The following SYS1 variants were observed in gnomAD, a reference collection of about 807,000 sequenced individuals.
SYS1 encodes SYS1 golgi trafficking protein, also known as protein SYS1 homolog.
SYS1 carries 8 observed loss-of-function variants against 17.8 expected under a neutral mutation model. The ratio of observed to expected loss-of-function variants is 0.45; its 90% CI spans 0.26 to 0.81. The LOEUF (loss-of-function observed/expected upper bound fraction) is 0.81. SYS1 is among the 40% of genes least tolerant of loss of function. SYS1 has a pLI of 0.16. For synonymous variants in SYS1, 95 were observed against 90.9 expected (o/e 1.05, Z -0.26); for missense variants, 161 against 203.9 (o/e 0.79, Z 1.28).
rs1404770342 is a variant in SYS1, at chr20:45,367,704, G to A, written c.*589G>A. 2.0e-5 allele frequency: 20 copies of A among 988,582 alleles called. No homozygotes were observed. Among genetic ancestry groups the A allele is most frequent in the Non-Finnish European group, 2.4e-5 (20 of 831,858 alleles). 61.2% of individuals were successfully genotyped at this position (988,582 alleles called of 1,614,324 possible). ...AAGGAAAATGCACAACCTGTGCCCTGTTATACACACGTTCATGTGCACCCA... is the reference window on the plus strand; with the variant it reads ...AAGGAAAATGCACAACCTGTGCCCTATTATACACACGTTCATGTGCACCCA... On this transcript the variant is annotated 3_prime_UTR_variant, in exon 4 of 4. Transcript: ENST00000243918.
chr20:45,363,944 T>G (rs1429831758), intron 2 of SYS1, among the ~76,000 whole-genome samples: 1 of 152,228 alleles, frequency 6.6e-6, no homozygotes, highest in Non-Finnish European at 1.5e-5. Context: ...CTCTGATACA[T>G]TTCCTTTCTG....
At chr20:45,374,981 T>C in exon 4 of SYS1, 1 of 1,566,540 alleles carries the variant, frequency 6.4e-7, no homozygotes, top group Non-Finnish European at 8.7e-7. Context: ...GGCCCAGCTC[T>C]GGGCCTGGCT....
chr20:45,363,576 C>T lies in SYS1; in HGVS notation c.45C>T (p.Ile15=), dbSNP rs1390622010. 6.3e-7 allele frequency: 1 copy of T among 1,598,220 alleles called. No homozygotes were observed. The highest frequency in any genetic ancestry group is 8.5e-7 in the Non-Finnish European group (1 of 1,173,006). Residue 15 remains isoleucine (I), a synonymous_variant, in exon 2 of 4, where the codon ATC becomes ATT. Coordinates refer to ENST00000243918, the MANE Select transcript of SYS1 (RefSeq NM_033542.4). ...FRSYVWDPLL[I]LSQIVLMQTV... ...GCTACGTGTGGGACCCGCTGCTGATCCTGTCGCAGATCGTCCTCATGCAGA... is the reference window on the plus strand; with the variant it reads ...GCTACGTGTGGGACCCGCTGCTGATTCTGTCGCAGATCGTCCTCATGCAGA...
chr20:45,364,415 A>T (rs921364308), intron 2 of SYS1, among the ~76,000 whole-genome samples: 1 of 151,150 alleles, frequency 6.6e-6, no homozygotes, highest in African/African-American at 2.4e-5. Flanking sequence ...AAGGAGGCCT[A>T]TAAGTTGTTA....
chr20:45,372,964 C>G (rs922520519), downstream of SYS1: 1 of 152,282 alleles, frequency 6.6e-6, no homozygotes, highest in Non-Finnish European at 1.5e-5. Context: ...AATCGTTCTC[C>G]CTCTGTCCCA....
rs1988450030 is a variant in SYS1, at chr20:45,367,340, T to A, written c.*225T>A. 7.2e-7 allele frequency: 1 copy of A among 1,383,458 alleles called. No homozygotes were observed. Among genetic ancestry groups the A allele is most frequent in the South Asian group, 1.6e-5 (1 of 62,026 alleles). The allele number at this position is 1,383,458 out of a possible 1,614,324, so 85.7% of individuals were successfully genotyped here. A position where few individuals can be genotyped will look rare whatever the true frequency, so the allele number is the denominator to read the frequency against. ...TGTTGAAGCCTTGGTATCTGAGAGG[T>A]CAGGAAGGGGACCTCTTTGAGGGTA... On this transcript the variant is annotated 3_prime_UTR_variant, in exon 4 of 4. Coordinates refer to ENST00000243918, the MANE Select transcript of SYS1 (RefSeq NM_033542.4).
chr20:45,371,876 CA>C (rs1237344506), downstream of SYS1, among the ~76,000 whole-genome samples: 2 of 152,182 alleles, frequency 1.3e-5, no homozygotes, highest in Non-Finnish European at 2.9e-5. Flanking sequence ...TTCAATGCCC[CA>C]CAAACTGGCT....
At chr20:45,374,446 A>T (rs758600162) in exon 4 of SYS1, 2 of 569,326 alleles carry the variant, frequency 3.5e-6, no homozygotes, top group East Asian at 2.9e-5. Flanking sequence ...TAATTTTTAA[A>T]TTTTTTGTAG....
exon 4 of SYS1, chr20:45,375,019 A>G (rs760559221): frequency 6.2e-7 from 1 of 1,603,400 alleles, no homozygotes; most frequent in Non-Finnish European, 8.5e-7. Context: ...CTAGCCTGGC[A>G]GTGTTGTTGT....
exon 4 of SYS1, chr20:45,376,697 T>C (rs1988744089): frequency 6.6e-6 from 1 of 152,138 alleles, no homozygotes; most frequent in Non-Finnish European, 1.5e-5. Context: ...CAATCAATGT[T>C]AGCTTTCTTA....
At position 45,363,323 on chromosome 20, in the gene SYS1, G is replaced by T; in HGVS notation, c.-4+8G>T. The stretch of plus-strand genomic sequence containing the variant: ...TCGTCGAGTCTGTCACTGGTGAGTA[G>T]ACCCCAGAGGAGCTCGTGTACGGGC... On this transcript the variant is annotated splice_region_variant and intron_variant, in intron 1 of 3. Transcript: ENST00000243918. 7.2e-7 allele frequency: 1 copy of T among 1,389,522 alleles called. No homozygotes were observed. The highest frequency in any genetic ancestry group is 2.7e-5 in the East Asian group (1 of 37,234). The allele number at this position is 1,389,522 out of a possible 1,614,324, so 86.1% of individuals were successfully genotyped here. A position where few individuals can be genotyped will look rare whatever the true frequency, so the allele number is the denominator to read the frequency against.
chr20:45,372,575 G>C (rs1988587711), downstream of SYS1: 1 of 152,300 alleles, frequency 6.6e-6, no homozygotes, highest in Non-Finnish European at 1.5e-5. Context: ...ATGGAAGAGT[G>C]AGTAGAGATT....
In SYS1 at chr20:45,374,810, C is replaced by T. The variant is rs542384397; in HGVS notation, c.*516C>T. 5.7e-5 allele frequency: 33 copies of T among 576,736 alleles called. No individual in the cohort carries two copies. In the Admixed American group the frequency reaches 7.5e-4, roughly 13 times the overall value. The allele number at this position is 576,736 out of a possible 1,614,324, so 35.7% of individuals were successfully genotyped here. ...TGGCTCACTTCAGTGCCCCTCCTTCCACACATCTCCTAGCTGTATCCTGAG... is the reference window on the plus strand; with the variant it reads ...TGGCTCACTTCAGTGCCCCTCCTTCTACACATCTCCTAGCTGTATCCTGAG... On this transcript the variant is annotated 3_prime_UTR_variant, in exon 4 of 4. Coordinates refer to the SYS1 transcript ENST00000426004.
chr20:45,374,177 C>T (rs1190426286), downstream of SYS1: 2 of 679,538 alleles, frequency 2.9e-6, no homozygotes, highest in East Asian at 2.7e-5. Context: ...GGGCACTCAC[C>T]CCCTTCCTTT....
chr20:45,363,755 T>TGG, intron 2 of SYS1, 62 bp downstream of exon 2: 1 of 1,509,786 alleles, frequency 6.6e-7, no homozygotes. Context: ...TTGTGGTCCA[T>TGG]CACTACTGTG....
At chr20:45,373,961 C>A, downstream of SYS1, 1 of 1,613,568 alleles carries the variant, frequency 6.2e-7, no homozygotes, top group Non-Finnish European at 8.5e-7. Flanking sequence ...GCTGATGGCG[C>A]GATCTCCACC....
chr20:45,373,690 G>A (rs756390646), downstream of SYS1: 1 of 572,126 alleles, frequency 1.7e-6, no homozygotes, highest in Non-Finnish European at 3.1e-6. Context: ...CACAGAGCGC[G>A]CCACTCAGGA....
In SYS1 at chr20:45,367,067, G is replaced by T; in HGVS notation, c.423G>T (p.Thr141=). Residue 141 remains threonine (T), a synonymous_variant, in exon 4 of 4, where the codon ACG becomes ACT. Transcript: ENST00000243918. The part of the protein sequence containing the change: ...AVIGEYLCMR[T]ELKEIPLNSA... Reference sequence around the variant, plus strand: ...TCGGGGAGTACCTGTGCATGCGGACGGAGCTCAAGGAGATACCCCTCAACT... The same window carrying T: ...TCGGGGAGTACCTGTGCATGCGGACTGAGCTCAAGGAGATACCCCTCAACT... 2 of 1,614,150 alleles carry T rather than the reference G, an allele frequency of 1.2e-6. No homozygotes were observed. The highest frequency in any genetic ancestry group is 1.7e-6 in the Non-Finnish European group (2 of 1,180,032).
intron 3 of SYS1, 84 bp downstream of exon 3, chr20:45,365,770 G>T (rs762715117): frequency 8.3e-5 from 117 of 1,408,810 alleles, no homozygotes; most frequent in Non-Finnish European, 1.1e-4. Flanking sequence ...AGACAGGCTG[G>T]CACTTGTTTC....
Sources: gnomAD v4.1 joint callset for allele counts (sites outside exome capture counted in the v4.1 genomes callset) on GRCh38, gnomAD v4.1.1 for gene constraint, MANE v1.5 for transcripts, NCBI Gene and HGNC (gene_info 2026-07-23, HGNC 2026-07-21) for gene names.